Variants in DTNB observed in about 807,000 individuals in gnomAD.
DTNB encodes the protein dystrobrevin beta.
A neutral mutation model predicts 90.7 loss-of-function variants in DTNB; 63 were observed. The observed-to-expected ratio is 0.69, with a 90% CI of 0.57 to 0.86. The LOEUF (loss-of-function observed/expected upper bound fraction) is 0.86, where lower values mean the gene tolerates loss of function less well. Among genes scored for constraint, DTNB ranks in the 40% least tolerant of loss-of-function variants. The pLI, the probability that DTNB is intolerant of heterozygous loss-of-function variation, is 0.00. For synonymous variants in DTNB, 277 were observed against 286.7 expected, an observed-to-expected ratio of 0.97 and a Z score of 0.34; for missense variants, 744 against 807.1, an observed-to-expected ratio of 0.92 and a Z score of 0.95.
At chr2:25,396,903 G>A (rs556905624) in intron 16 of DTNB, among the ~76,000 whole-genome samples, 53 of 151,934 alleles carry the variant, frequency 3.5e-4, no homozygotes, top group African/African-American at 1.3e-3. Context: ...TCATGTATTT[G>A]CAGACTGTGA....
At chr2:25,379,427 T>C (rs1345266009) in intron 19 of DTNB, 104 bp from the exon 20 acceptor site, 6 of 1,244,716 alleles carry the variant, frequency 4.8e-6, no homozygotes, top group Admixed American at 8.2e-5. Context: ...CCCCAGGGGC[T>C]TCCTTGCTTC....
At chr2:25,636,978 A>G (rs1472157201) in intron 3 of DTNB, among the ~76,000 whole-genome samples, 2 of 152,050 alleles carry the variant, frequency 1.3e-5, no homozygotes, top group Non-Finnish European at 2.9e-5. Flanking sequence ...ATCAGCTGTA[A>G]CGTGATTTGC....
intron 9 of DTNB, among the ~76,000 whole-genome samples, chr2:25,513,460 C>T (rs553763536): frequency 7.2e-5 from 11 of 152,254 alleles, no homozygotes; most frequent in East Asian, 5.8e-4. Flanking sequence ...TGGTGGCTCA[C>T]GCCTGTAATC....
chr2:25,630,148 T>C (rs893995454), intron 3 of DTNB, among the ~76,000 whole-genome samples: 1 of 152,224 alleles, frequency 6.6e-6, no homozygotes, highest in African/African-American at 2.4e-5. Flanking sequence ...TCAACATCAT[T>C]AGTCATTTAG....
rs1388219852 is a variant in DTNB at position 25,427,522 on chromosome 2, C to A, written c.1554+13G>T. The A allele has an allele frequency of 6.2e-7, 1 of 1,613,146 alleles. No homozygotes were observed. The highest frequency in any genetic ancestry group is 1.7e-5 in the Admixed American group (1 of 59,952). ...AGAATGACAAGAACTGAGCGTGGGC[C>A]ACGGGCTCTTACCTTCAGCAACTTC... On this transcript the variant is annotated intron_variant, in intron 15 of 20. Coordinates refer to ENST00000406818, the MANE Select transcript of DTNB (RefSeq NM_021907.5).
In DTNB at chr2:25,665,776, TAA is replaced by T. The variant is rs11294720; in HGVS notation, c.-2+7608_-2+7609del. ...CTTCTTTTCTCTTCTCTTTCAGATT[TAA>T]AAAAAAAAAAAAAAGGCCAGGGAAA... On this transcript the variant is annotated intron_variant, in intron 1 of 20. Transcript: ENST00000406818. 1.8e-3 allele frequency among the ~76,000 whole-genome samples: 257 copies of T among 141,414 alleles called. 2 individuals carry two copies. Among genetic ancestry groups the T allele is most frequent in the Non-Finnish European group, 2.0e-3 (127 of 64,982 alleles). The allele number at this position is 141,414 out of a possible 152,430, so 92.8% of individuals were successfully genotyped here. A position where few individuals can be genotyped will look rare whatever the true frequency, so the allele number is the denominator to read the frequency against.
At chr2:25,395,396 T>G (rs2042120293) in intron 16 of DTNB, among the ~76,000 whole-genome samples, 2 of 151,832 alleles carry the variant, frequency 1.3e-5, no homozygotes. Flanking sequence ...ATTAAAAAAT[T>G]TAAAAGTTTA....
At chr2:25,531,766 C>T (rs1258699094) in intron 8 of DTNB, among the ~76,000 whole-genome samples, 169 bp from the exon 9 acceptor site, 1 of 152,156 alleles carries the variant, frequency 6.6e-6, no homozygotes, top group Non-Finnish European at 1.5e-5. Context: ...TCCAGTTGTT[C>T]CAAGGTCATC....
chr2:25,522,777 T>C (rs1558869704), intron 9 of DTNB, among the ~76,000 whole-genome samples: 1 of 151,488 alleles, frequency 6.6e-6, no homozygotes. Flanking sequence ...CTCGGCTCGC[T>C]GCAACCTCTA....
intron 15 of DTNB, chr2:25,426,526 T>C (rs961529204): frequency 6.6e-6 from 1 of 152,246 alleles, no homozygotes; most frequent in African/African-American, 2.4e-5. Flanking sequence ...TCTTGGGCCT[T>C]TGGACTCTGG....
At chr2:25,566,096 T>C (rs749308735) in intron 8 of DTNB, among the ~76,000 whole-genome samples, 38 of 152,194 alleles carry the variant, frequency 2.5e-4, no homozygotes, top group Admixed American at 7.9e-4. Context: ...GTAAAAGCCA[T>C]ATTTCTCTGG....
chr2:25,533,311 AGTG>A (rs2078634248), intron 8 of DTNB, among the ~76,000 whole-genome samples: 1 of 151,800 alleles, frequency 6.6e-6, no homozygotes, highest in South Asian at 2.1e-4. Flanking sequence ...TGGGCGACAG[AGTG>A]AGACCCCATC....
At chr2:25,570,683 A>G (rs2059738058) in intron 8 of DTNB, among the ~76,000 whole-genome samples, 1 of 152,168 alleles carries the variant, frequency 6.6e-6, no homozygotes, top group South Asian at 2.1e-4. Flanking sequence ...CTTGTTTTCC[A>G]GAACACACAC....
rs897395414 is a variant in DTNB, at chr2:25,424,990, G to A, written c.1554+2545C>T. Among the ~76,000 whole-genome samples the A allele has an allele frequency of 2.5e-4, 38 of 152,044 alleles. No individual in the cohort carries two copies. The highest frequency in any genetic ancestry group is 9.2e-4 in the African/African-American group (38 of 41,408). On this transcript the variant is annotated intron_variant, in intron 15 of 20. Transcript: ENST00000406818. The surrounding 1 kb of genome is among the most constrained non-coding windows in gnomAD (Gnocchi z 4.1). ...TACCCTATTATCTCCCATCCCACAG[G>A]TGTACTAACTCCATGGCAGCAGGGC...
At chr2:25,598,458 T>C (rs999785036) in intron 5 of DTNB, among the ~76,000 whole-genome samples, 3 of 152,320 alleles carry the variant, frequency 2.0e-5, no homozygotes, top group East Asian at 3.9e-4. Context: ...TTTGCTCTCA[T>C]GCAACAAACT....
intron 9 of DTNB, among the ~76,000 whole-genome samples, chr2:25,502,651 A>T (rs2071037252): frequency 6.6e-6 from 1 of 151,982 alleles, no homozygotes; most frequent in South Asian, 2.1e-4. Context: ...TGGGCAGCCA[A>T]GGTGGGTGGA....
At chr2:25,656,940 G>A (rs766143612) in intron 1 of DTNB, among the ~76,000 whole-genome samples, 2 of 152,180 alleles carry the variant, frequency 1.3e-5, no homozygotes, top group Non-Finnish European at 2.9e-5. Flanking sequence ...TTGGGAGGCC[G>A]AGGCAGGCAG....
At chr2:25,510,450 A>G (rs1381677686) in intron 9 of DTNB, among the ~76,000 whole-genome samples, 1 of 151,606 alleles carries the variant, frequency 6.6e-6, no homozygotes, top group Non-Finnish European at 1.5e-5. Flanking sequence ...CGTGAGTTCA[A>G]GTTCCTTGGA....
At chr2:25,647,141 C>T (rs1228423759) in intron 2 of DTNB, among the ~76,000 whole-genome samples, 1 of 152,046 alleles carries the variant, frequency 6.6e-6, no homozygotes, top group Non-Finnish European at 1.5e-5. Flanking sequence ...TATCAATATG[C>T]TACAAAATAG....
Sources: gnomAD v4.1 joint callset for allele counts (sites outside exome capture counted in the v4.1 genomes callset) on GRCh38, gnomAD v4.1.1 for gene constraint, Gnocchi (gnomAD v3.1) non-coding constraint, MANE v1.5 for transcripts, NCBI Gene and HGNC (gene_info 2026-07-23, HGNC 2026-07-21) for gene names.